Variants in CASP8 observed in about 807,000 individuals in gnomAD.
CASP8 encodes the protein caspase-8.
In CASP8, 24 loss-of-function variants were observed where a neutral mutation model predicts 46.3. The observed-to-expected ratio is 0.52, with a 90% CI of 0.38 to 0.73. The LOEUF (loss-of-function observed/expected upper bound fraction) is 0.73. CASP8 is among the 30% of genes least tolerant of loss of function. CASP8 has a pLI of 0.00. For synonymous variants in CASP8, 188 were observed against 200.4 expected (o/e 0.94, Z 0.52); for missense variants, 460 against 559.0 (o/e 0.82, Z 1.79).
At chr2:201,277,535 C>T (rs1948713245) in intron 7 of CASP8, among the ~76,000 whole-genome samples, 1 of 152,096 alleles carries the variant, frequency 6.6e-6, no homozygotes, top group South Asian at 2.1e-4. Context: ...AAAAATCATC[C>T]ATCACCATTG....
intron 7 of CASP8, among the ~76,000 whole-genome samples, chr2:201,281,312 T>TA (rs1019142277): frequency 1.5e-4 from 23 of 151,770 alleles, no homozygotes; most frequent in Admixed American, 3.9e-4. Flanking sequence ...AGACCTTTTC[T>TA]AAAAAAAATT....
chr2:201,283,396 T>C (rs1388573756), intron 7 of CASP8, among the ~76,000 whole-genome samples: 1 of 47,206 alleles, frequency 2.1e-5, no homozygotes, highest in Admixed American at 1.6e-4. Flanking sequence ...GGCGGGGGGC[T>C]GACCCCCCAC....
intron 6 of CASP8, 63 bp downstream of exon 6, chr2:201,275,016 CTTTT>C (rs35508730): frequency 1.6e-4 from 152 of 967,998 alleles, no homozygotes; most frequent in Middle Eastern, 4.8e-4. Flanking sequence ...AATTTGTTAG[CTTTT>C]TTTTTTTTTT....
intron 5 of CASP8, among the ~76,000 whole-genome samples, chr2:201,273,314 C>T (rs930408942): frequency 1.3e-5 from 2 of 152,222 alleles, no homozygotes; most frequent in African/African-American, 4.8e-5. Context: ...CTGCCTTGGC[C>T]TCCCAAAGTG....
intron 2 of CASP8, among the ~76,000 whole-genome samples, chr2:201,269,255 A>G (rs984638882): frequency 2.6e-5 from 4 of 152,038 alleles, no homozygotes; most frequent in Admixed American, 6.6e-5. Context: ...ACCTCATCTT[A>G]ATGAGATTTT....
intron 7 of CASP8, among the ~76,000 whole-genome samples, chr2:201,283,789 G>A (rs1576381850): frequency 1.2e-4 from 7 of 57,632 alleles, no homozygotes; most frequent in African/African-American, 3.9e-4. Context: ...CTCACCTCCC[G>A]GACGGGGCGG....
intron 2 of CASP8, among the ~76,000 whole-genome samples, chr2:201,270,979 C>T (rs1047200319): frequency 6.6e-6 from 1 of 152,102 alleles, no homozygotes; most frequent in East Asian, 1.9e-4. Flanking sequence ...TGTAGCGGCA[C>T]CACAGAAAGG....
chr2:201,277,777 T>C (rs1368118675), intron 7 of CASP8: 3 of 400,592 alleles, frequency 7.5e-6, no homozygotes, highest in African/African-American at 4.4e-5. Flanking sequence ...CTCAGCTCAC[T>C]GCAGCCTCCA....
At chr2:201,269,569 T>C (rs748142457) in intron 2 of CASP8, 58 of 1,613,476 alleles carry the variant, frequency 3.6e-5, no homozygotes, top group Non-Finnish European at 4.6e-5. Context: ...ACACAGTCTG[T>C]ACCTTTCTGG....
chr2:201,252,585 T>G (rs557838131), intron 2 of CASP8, among the ~76,000 whole-genome samples: 1 of 152,288 alleles, frequency 6.6e-6, no homozygotes, highest in South Asian at 2.1e-4. Context: ...TTGCAAACAT[T>G]TTCTCCCAAT....
chr2:201,246,510 T>G (rs972770378), intron 2 of CASP8, among the ~76,000 whole-genome samples: 1 of 152,344 alleles, frequency 6.6e-6, no homozygotes, highest in African/African-American at 2.4e-5. Context: ...CATATTATTA[T>G]GCAATCATCA....
Position 201,265,335 on chromosome 2 carries a change from AC to A in CASP8, c.-26-1125del, listed in dbSNP as rs531214429. On this transcript the variant is annotated intron_variant, in intron 1 of 8. Coordinates refer to ENST00000673742, the MANE Select transcript of CASP8 (RefSeq NM_001372051.1). ...GGTTGCAGTGAGCCGAGATCGCGAC[AC>A]TGCACTCCAGCTTGGGTGACAGAGC... Among the ~76,000 whole-genome samples the A allele has an allele frequency of 4.4e-3, 659 of 150,930 alleles. 3 individuals are homozygous for A. Among genetic ancestry groups the A allele is most frequent in the Non-Finnish European group, 7.3e-3 (495 of 67,714 alleles).
chr2:201,261,607 G>C (rs961460206), intron 1 of CASP8, among the ~76,000 whole-genome samples: 1 of 152,110 alleles, frequency 6.6e-6, no homozygotes, highest in Admixed American at 6.5e-5. Flanking sequence ...TGGCTGCAGC[G>C]CCCTGTTATG....
rs2125483760 is a variant in CASP8, at chr2:201,285,048, C to T, written c.1035C>T (p.Cys345=). Residue 345 remains cysteine (C), a synonymous_variant, in exon 8 of 9, where the codon TGC becomes TGT. Transcript: ENST00000673742. ...CATCTCAGTTCACTGGTTTGAAGTG[C>T]CCTTCCCTTGCTGGAAAACCCAAAG... The part of the protein sequence containing the change: ...ELTSQFTGLK[C]PSLAGKPKVF... The T allele has an allele frequency of 6.2e-6, 10 of 1,614,182 alleles. No individual in the cohort carries two copies. The highest frequency in any genetic ancestry group is 8.5e-6 in the Non-Finnish European group (10 of 1,180,032).
chr2:201,251,463 C>T (rs1413804342), intron 2 of CASP8, among the ~76,000 whole-genome samples: 4 of 149,474 alleles, frequency 2.7e-5, no homozygotes, highest in African/African-American at 9.9e-5. Flanking sequence ...GGCGTGGTGG[C>T]GTGTGCCTGT....
In CASP8 at chr2:201,274,895, A is replaced by G; in HGVS notation, c.602A>G (p.Glu201Gly). The change falls in exon 6 of 9, where the codon GAG (glutamate) becomes GGG (glycine). Residue 201 changes from glutamate to glycine, a missense_variant. Coordinates refer to ENST00000673742, the MANE Select transcript of CASP8 (RefSeq NM_001372051.1). ...GSPDEFSNGE[E>G]LCGVMTISDS... ...GTCTCTTCGTTGTTTGCAGGGGAGG[A>G]GTTGTGTGGGGTAATGACAATCTCG... The G allele has an allele frequency of 6.2e-7, 1 of 1,612,166 alleles. No homozygotes were observed. The highest frequency in any genetic ancestry group is 8.5e-7 in the Non-Finnish European group (1 of 1,178,628).
At chr2:201,238,759 TTTTA>T (rs201152745) in intron 2 of CASP8, among the ~76,000 whole-genome samples, 8,495 of 152,006 alleles carry the variant, frequency 0.056, 753 homozygotes, top group African/African-American at 0.19. Flanking sequence ...TTACTTTTTA[TTTTA>T]TTTATTTATT....
intron 1 of CASP8, among the ~76,000 whole-genome samples, chr2:201,264,974 C>A (rs1012254463): frequency 1.3e-5 from 2 of 152,104 alleles, no homozygotes; most frequent in Non-Finnish European, 2.9e-5. Context: ...CAAACATGAT[C>A]GCAGTGGGGT....
chr2:201,263,661 G>A lies in CASP8; in HGVS notation c.-26-2800G>A, dbSNP rs563565183. 2.0e-5 allele frequency among the ~76,000 whole-genome samples: 3 copies of A among 152,294 alleles called. No homozygotes were observed. The East Asian group carries it at 5.8e-4, about 29-fold the overall frequency. ...AGAAAAAAATAATTGAGGGATGGGG[G>A]AAAGGAAGTCCTGCTTTCATTTGAT... On this transcript the variant is annotated intron_variant, in intron 1 of 8. Transcript: ENST00000673742.
Sources: allele counts gnomAD v4.1 joint callset (sites outside exome capture counted in the v4.1 genomes callset), GRCh38; gene constraint gnomAD v4.1.1; transcripts MANE v1.5; gene names NCBI Gene and HGNC (gene_info 2026-07-23, HGNC 2026-07-21).